PAPSS1: variants seen among roughly 807,000 people sequenced by gnomAD.
The protein encoded by PAPSS1 is 3'-phosphoadenosine 5'-phosphosulfate synthase 1.
PAPSS1 carries 50 observed loss-of-function variants against 72.0 expected under a neutral mutation model. The observed-to-expected ratio is 0.69, with a 90% CI of 0.55 to 0.88. The LOEUF is 0.88. PAPSS1 is among the 40% of genes least tolerant of loss of function. PAPSS1 has a pLI of 0.00. For synonymous variants in PAPSS1, 261 were observed against 263.6 expected, an observed-to-expected ratio of 0.99 and a Z score of 0.09; for missense variants, 657 against 782.2, an observed-to-expected ratio of 0.84 and a Z score of 1.91.
chr4:107,636,379 A>G (rs1309452098), intron 10 of PAPSS1, among the ~76,000 whole-genome samples: 1 of 152,200 alleles, frequency 6.6e-6, no homozygotes, highest in African/African-American at 2.4e-5. Flanking sequence ...CATAATAGAA[A>G]TGTTGGGGAG....
intron 9 of PAPSS1, among the ~76,000 whole-genome samples, chr4:107,648,705 A>T (rs923937040): frequency 2.6e-5 from 4 of 152,198 alleles, no homozygotes; most frequent in Admixed American, 1.3e-4. Context: ...TGATTTTCCT[A>T]AATCAATATA....
intron 4 of PAPSS1, among the ~76,000 whole-genome samples, chr4:107,682,980 A>G (rs1220251381): frequency 1.3e-5 from 2 of 152,208 alleles, no homozygotes; most frequent in Non-Finnish European, 2.9e-5. Context: ...TTCCTATGGT[A>G]TATGTGTTAC....
intron 10 of PAPSS1, among the ~76,000 whole-genome samples, chr4:107,641,856 T>C (rs1726553539): frequency 6.6e-6 from 1 of 152,170 alleles, no homozygotes; most frequent in South Asian, 2.1e-4. Flanking sequence ...AGACAGTTCC[T>C]TGGATGTGGG....
chr4:107,685,425 G>C (rs555177290), intron 4 of PAPSS1, among the ~76,000 whole-genome samples: 1 of 152,180 alleles, frequency 6.6e-6, no homozygotes, highest in Non-Finnish European at 1.5e-5. Context: ...TAAGTAAAAG[G>C]TTTAGACTTT....
intron 2 of PAPSS1, among the ~76,000 whole-genome samples, chr4:107,697,969 A>AG (rs1723112262): frequency 6.6e-6 from 1 of 152,200 alleles, no homozygotes; most frequent in Admixed American, 6.5e-5. Flanking sequence ...GCAGAAGCCA[A>AG]GGGGGAAACA....
chr4:107,623,064 C>T (rs542359987), intron 11 of PAPSS1, among the ~76,000 whole-genome samples: 3 of 152,308 alleles, frequency 2.0e-5, no homozygotes, highest in Non-Finnish European at 4.4e-5. Flanking sequence ...CATTGCAACC[C>T]ACCCATATGA....
chr4:107,717,288 T>C (rs1245251936), intron 1 of PAPSS1, among the ~76,000 whole-genome samples: 2 of 151,864 alleles, frequency 1.3e-5, no homozygotes, highest in Non-Finnish European at 2.9e-5. Context: ...ATTTCCTCTA[T>C]AGACTATCTC....
chr4:107,711,025 T>C (rs768438899), intron 1 of PAPSS1, among the ~76,000 whole-genome samples: 5 of 152,246 alleles, frequency 3.3e-5, no homozygotes, highest in Admixed American at 2.0e-4. Context: ...AGCACAGCCA[T>C]GTTCTTTACA....
intron 1 of PAPSS1, among the ~76,000 whole-genome samples, chr4:107,716,587 G>C (rs549767234): frequency 6.6e-6 from 1 of 152,190 alleles, no homozygotes; most frequent in African/African-American, 2.4e-5. Context: ...ACCTGGGCCT[G>C]AACTGAGTGT....
intron 8 of PAPSS1, 27 bp from the exon 9 acceptor site, chr4:107,653,653 T>C (rs766210147): frequency 4.4e-6 from 7 of 1,602,592 alleles, no homozygotes; most frequent in Non-Finnish European, 6.0e-6. Context: ...ATTTTTTTAA[T>C]GGAAACCGAG....
chr4:107,699,713 A>G (rs1723161939), intron 2 of PAPSS1, among the ~76,000 whole-genome samples: 1 of 152,214 alleles, frequency 6.6e-6, no homozygotes, highest in South Asian at 2.1e-4. Context: ...GAAAAAGCTG[A>G]TTAGGCTCAC....
At chr4:107,624,744 A>T (rs1726050441) in intron 11 of PAPSS1, among the ~76,000 whole-genome samples, 1 of 152,234 alleles carries the variant, frequency 6.6e-6, no homozygotes, top group African/African-American at 2.4e-5. Flanking sequence ...AAGTATGTGC[A>T]AAATTAACAA....
At chr4:107,713,781 A>AT (rs1050635976) in intron 1 of PAPSS1, among the ~76,000 whole-genome samples, 7 of 151,466 alleles carry the variant, frequency 4.6e-5, no homozygotes, top group Middle Eastern at 3.4e-3. Context: ...AAGAAAAAAA[A>AT]ATATGAAAGA....
At chr4:107,714,064 G>A (rs12502019) in intron 1 of PAPSS1, among the ~76,000 whole-genome samples, 43,307 of 151,788 alleles carry the variant, frequency 0.29, 7,223 homozygotes, top group East Asian at 0.46. Flanking sequence ...CCCTATCCTC[G>A]GGCACGTCTT....
chr4:107,622,917 G>A lies in PAPSS1; in HGVS notation c.1737-8530C>T, dbSNP rs558537906. On this transcript the variant is annotated intron_variant, in intron 11 of 11. Transcript: ENST00000265174. ...AACTAAATTGGTTTTGTTTTGAAAT[G>A]GGGGAGGTGAGTAGATTTATGTATT... Among the ~76,000 whole-genome samples, 52 of 152,314 alleles carry A rather than the reference G, an allele frequency of 3.4e-4. 1 individual carries two copies. Among genetic ancestry groups the A allele is most frequent in the Admixed American group, 2.8e-3 (43 of 15,298 alleles).
intron 8 of PAPSS1, among the ~76,000 whole-genome samples, chr4:107,653,828 A>G (rs1380163810): frequency 6.6e-6 from 1 of 152,224 alleles, no homozygotes; most frequent in Non-Finnish European, 1.5e-5. Context: ...TGAAATAACT[A>G]TCTTTACATA....
At chr4:107,648,783 G>T (rs1726759642) in intron 9 of PAPSS1, among the ~76,000 whole-genome samples, 1 of 152,142 alleles carries the variant, frequency 6.6e-6, no homozygotes, top group Admixed American at 6.5e-5. Flanking sequence ...TGTTTTTGTG[G>T]GTTTTTGTGA....
At chr4:107,616,126 C>A in intron 11 of PAPSS1, among the ~76,000 whole-genome samples, 1 of 150,482 alleles carries the variant, frequency 6.6e-6, no homozygotes, top group African/African-American at 2.4e-5. Context: ...AGAAATATGC[C>A]CTATGTAGTC....
intron 4 of PAPSS1, among the ~76,000 whole-genome samples, chr4:107,684,614 T>C (rs1048026527): frequency 9.9e-5 from 15 of 152,198 alleles, no homozygotes; most frequent in Non-Finnish European, 2.1e-4. Flanking sequence ...AATCTTTATC[T>C]TAACCTGAAC....
Sources: gnomAD v4.1 joint callset for allele counts (sites outside exome capture counted in the v4.1 genomes callset) on GRCh38, gnomAD v4.1.1 for gene constraint, MANE v1.5 for transcripts, NCBI Gene and HGNC (gene_info 2026-07-23, HGNC 2026-07-21) for gene names.